The following CDH23 variants were observed in gnomAD, a reference collection of about 807,000 sequenced individuals.
CDH23 encodes cadherin-23.
In CDH23, 189 loss-of-function variants were observed where a neutral mutation model predicts 317.1. That is an observed-to-expected ratio of 0.60 (90% CI 0.53 to 0.67). The LOEUF (loss-of-function observed/expected upper bound fraction) is 0.67, where lower values mean the gene tolerates loss of function less well. Ranked by LOEUF, CDH23 falls within the 30% of genes least tolerant of loss-of-function variation. The pLI is 0.00. For synonymous variants in CDH23, 1,839 were observed against 1,876.8 expected (o/e 0.98, Z 0.52); for missense variants, 4,401 against 4,592.4 (o/e 0.96, Z 1.20).
At chr10:71,782,847 A>T (rs904339947) in intron 41 of CDH23, among the ~76,000 whole-genome samples, 2 of 152,236 alleles carry the variant, frequency 1.3e-5, no homozygotes, top group African/African-American at 4.8e-5. Context: ...GGTGAAGCCT[A>T]TGGGACGGGA....
chr10:71,646,296 G>A (rs887236308), intron 13 of CDH23, among the ~76,000 whole-genome samples, 163 bp from the exon 14 acceptor site: 1 of 152,208 alleles, frequency 6.6e-6, no homozygotes, highest in Non-Finnish European at 1.5e-5. Flanking sequence ...CATCCCTAGA[G>A]CAATAACAGA....
At chr10:71,721,787 C>T (rs918303171) in intron 28 of CDH23, among the ~76,000 whole-genome samples, 1 of 152,196 alleles carries the variant, frequency 6.6e-6, no homozygotes, top group Non-Finnish European at 1.5e-5. Flanking sequence ...ATCAGTGCTG[C>T]TGATTGAGGC....
At chr10:71,595,724 G>A (rs1323425410) in intron 9 of CDH23, among the ~76,000 whole-genome samples, 1 of 152,156 alleles carries the variant, frequency 6.6e-6, no homozygotes, top group Non-Finnish European at 1.5e-5. Context: ...CGCTCTGCGG[G>A]AGTCATTGCC....
chr10:71,521,990 C>T (rs540331767), intron 6 of CDH23, among the ~76,000 whole-genome samples: 12 of 152,288 alleles, frequency 7.9e-5, no homozygotes, highest in African/African-American at 2.9e-4. Context: ...CGTCTCACTT[C>T]CAGGGCTCAG....
At chr10:71,494,689 G>C (rs901273938) in intron 3 of CDH23, among the ~76,000 whole-genome samples, 1 of 152,224 alleles carries the variant, frequency 6.6e-6, no homozygotes, top group Admixed American at 6.5e-5. Context: ...AAATTCAGGA[G>C]ACATTCTCAG....
intron 49 of CDH23, 59 bp from the exon 50 acceptor site, chr10:71,798,295 G>T (rs1035529768): frequency 9.7e-6 from 13 of 1,344,128 alleles, no homozygotes; most frequent in South Asian, 4.7e-5. Flanking sequence ...GCTAAGGAAG[G>T]CCTGGCCCAG....
At chr10:71,647,136 C>CA in intron 14 of CDH23, 4 of 962,606 alleles carry the variant, frequency 4.2e-6, no homozygotes, top group East Asian at 1.2e-4. Context: ...GTAGTTCAAG[C>CA]AAAAAAGGAT....
chr10:71,403,326 CCTTTCTTTCTTTCTTTCTTT>C (rs201389920), intron 1 of CDH23, among the ~76,000 whole-genome samples: 798 of 60,526 alleles, frequency 0.013, 14 homozygotes, highest in Non-Finnish European at 0.015. Context: ...TTCCTTCCTT[CCTTTCTTTCTTTCTTTCTTT>C]CTTTCTTTCT....
chr10:71,808,126 CCAG>C (rs1841796368), intron 60 of CDH23, 119 bp downstream of exon 60: 2 of 1,190,468 alleles, frequency 1.7e-6, no homozygotes, highest in African/African-American at 3.0e-5. Flanking sequence ...GGCCCCCCAG[CCAG>C]CCACACCAAT....
chr10:71,700,743 G>C (rs568284225), intron 22 of CDH23, among the ~76,000 whole-genome samples: 1 of 152,164 alleles, frequency 6.6e-6, no homozygotes, highest in African/African-American at 2.4e-5. Flanking sequence ...AGCCTGCCTA[G>C]GGTGCCACAG....
chr10:71,653,702 A>T (rs933044721), intron 14 of CDH23, among the ~76,000 whole-genome samples: 2 of 152,098 alleles, frequency 1.3e-5, no homozygotes, highest in Non-Finnish European at 2.9e-5. Flanking sequence ...GGAACCAGAA[A>T]CCCAGCTTCA....
At chr10:71,576,647 T>C (rs922665572) in intron 8 of CDH23, among the ~76,000 whole-genome samples, 4 of 152,128 alleles carry the variant, frequency 2.6e-5, no homozygotes, top group African/African-American at 9.7e-5. Context: ...TATCTTGCTC[T>C]CCATCACCCA....
At chr10:71,443,835 C>A (rs1850021094) in intron 2 of CDH23, among the ~76,000 whole-genome samples, 2 of 152,258 alleles carry the variant, frequency 1.3e-5, no homozygotes, top group South Asian at 2.1e-4. Context: ...GAATAAGTCA[C>A]CTGTCTGCCC....
At chr10:71,466,139 G>A (rs1483504535) in intron 3 of CDH23, among the ~76,000 whole-genome samples, 1 of 152,198 alleles carries the variant, frequency 6.6e-6, no homozygotes, top group Non-Finnish European at 1.5e-5. Context: ...GTGTATAGGT[G>A]TGTGTCTGAG....
Position 71,811,438 on chromosome 10 carries a change from A to G in CDH23, c.9198+3A>G. On this transcript the variant is annotated splice_donor_region_variant and intron_variant, in intron 63 of 69. Coordinates refer to ENST00000224721, the MANE Select transcript of CDH23 (RefSeq NM_022124.6). ...CGGATGACATGTCTGCCCTGCAGGT[A>G]CCCGGCGACCGTGCCCCACAGCCCT... 6.2e-7 allele frequency: 1 copy of G among 1,613,882 alleles called. No homozygotes were observed. Among genetic ancestry groups the G allele is most frequent in the Non-Finnish European group, 8.5e-7 (1 of 1,179,872 alleles).
chr10:71,447,257 C>T (rs906016077), intron 3 of CDH23, among the ~76,000 whole-genome samples: 1 of 152,138 alleles, frequency 6.6e-6, no homozygotes, highest in South Asian at 2.1e-4. Context: ...CAGGATGGCT[C>T]GGAGTGGGGC....
chr10:71,609,413 GGCAGCA>G (rs1860726248), intron 9 of CDH23, among the ~76,000 whole-genome samples: 1 of 151,536 alleles, frequency 6.6e-6, no homozygotes, highest in African/African-American at 2.4e-5. Context: ...CCAAACTCTG[GGCAGCA>G]GCACCTCAGG....
rs532822295 is a variant in CDH23, at chr10:71,799,724, G to C, written c.7362+95G>C. ...AAAAGTATTGTAGTAATCCCTCTGG[G>C]TCTTGTCGCCTGGACATCTGCATCC... On this transcript the variant is annotated intron_variant, in intron 52 of 69. Transcript: ENST00000224721. 4.1e-5 allele frequency: 63 copies of C among 1,549,304 alleles called. No homozygotes were observed. In the East Asian group the frequency reaches 1.1e-3, roughly 27 times the overall value.
intron 1 of CDH23, among the ~76,000 whole-genome samples, chr10:71,400,710 A>C (rs1847739854): frequency 6.6e-6 from 1 of 152,150 alleles, no homozygotes; most frequent in Non-Finnish European, 1.5e-5. Flanking sequence ...GAGGAAGGAG[A>C]ATCGCTTGAA....
Sources: gnomAD v4.1 joint callset for allele counts (sites outside exome capture counted in the v4.1 genomes callset) on GRCh38, gnomAD v4.1.1 for gene constraint, MANE v1.5 for transcripts, NCBI Gene and HGNC (gene_info 2026-07-23, HGNC 2026-07-21) for gene names.